ST6GAL2: variants seen among roughly 807,000 people sequenced by gnomAD.
ST6GAL2 encodes the protein ST6 beta-galactoside alpha-2,6-sialyltransferase 2.
Under a neutral mutation model 37.5 loss-of-function variants are expected in ST6GAL2, and 24 were observed. That is an observed-to-expected ratio of 0.64 (90% CI 0.46 to 0.90). ST6GAL2 has a LOEUF of 0.90. Among genes scored for constraint, ST6GAL2 ranks in the 40% least tolerant of loss-of-function variants. The probability of loss-of-function intolerance (pLI) is 0.00; values close to 1 mark genes in which losing one functional copy is unlikely to be tolerated. For synonymous variants in ST6GAL2, 306 were observed against 295.1 expected, an observed-to-expected ratio of 1.04 and a Z score of -0.38; for missense variants, 715 against 712.7, an observed-to-expected ratio of 1.00 and a Z score of -0.04.
intron 1 of ST6GAL2, among the ~76,000 whole-genome samples, chr2:106,848,920 A>C (rs1677249255): frequency 2.0e-5 from 3 of 152,190 alleles, no homozygotes; most frequent in Admixed American, 2.0e-4. Flanking sequence ...GCACCTCCTC[A>C]TGGAATAATA....
chr2:106,809,670 G>A (rs1010675278), intron 5 of ST6GAL2, among the ~76,000 whole-genome samples: 3 of 152,176 alleles, frequency 2.0e-5, no homozygotes, highest in Non-Finnish European at 4.4e-5. Flanking sequence ...GGTTCTATTG[G>A]TTTGTGCTGG....
rs764105330 is a variant in ST6GAL2, at chr2:106,843,336, G to C, written c.642C>G (p.Ser214=). The stretch of plus-strand genomic sequence containing the variant: ...TCTGCAGGCGCGGGTTCAGCATTTT[G>C]GAAGAGACGTTCCCCTTCCAGAGCC... The part of the protein sequence containing the change: ...LYRLWKGNVS[S]KMLNPRLQKA... Residue 214 remains serine (S), a synonymous_variant, in exon 2 of 6, where the codon TCC becomes TCG. Transcript: ENST00000409382. 9 of 1,614,060 alleles carry C rather than the reference G, an allele frequency of 5.6e-6. No individual in the cohort carries two copies. The highest frequency in any genetic ancestry group is 1.7e-4 in the Middle Eastern group (1 of 6,060).
At chr2:106,829,223 T>C (rs1156767224) in intron 5 of ST6GAL2, among the ~76,000 whole-genome samples, 1 of 152,168 alleles carries the variant, frequency 6.6e-6, no homozygotes, top group Non-Finnish European at 1.5e-5. Flanking sequence ...CTATGTTTTG[T>C]CCCCTGGAAT....
intron 5 of ST6GAL2, among the ~76,000 whole-genome samples, chr2:106,816,164 C>T (rs1365569058): frequency 4.6e-5 from 7 of 152,084 alleles, no homozygotes; most frequent in Admixed American, 3.9e-4. Flanking sequence ...CTGCAAAGTT[C>T]TAGGAGATTA....
At chr2:106,862,047 T>C (rs1677820912) in intron 1 of ST6GAL2, among the ~76,000 whole-genome samples, 1 of 152,226 alleles carries the variant, frequency 6.6e-6, no homozygotes, top group African/African-American at 2.4e-5. Flanking sequence ...AATGACAGTT[T>C]TGTATCACAA....
In ST6GAL2 at chr2:106,843,276, G is replaced by A. The variant is rs1166420396; in HGVS notation, c.702C>T (p.His234=). ...CCCGCTTCCCGCGGAAGCGCACCCC[G>A]TGCTTGTTGGCGGTCAGGTAATCCT... The part of the protein sequence containing the change: ...AMKDYLTANK[H]GVRFRGKREA... The change falls in exon 2 of 6, where the codon CAC becomes CAT. Residue 234 remains histidine (H), a synonymous_variant. Transcript: ENST00000409382. 3.1e-6 allele frequency: 5 copies of A among 1,609,132 alleles called. No homozygotes were observed. The highest frequency in any genetic ancestry group is 2.7e-5 in the African/African-American group (2 of 74,880).
chr2:106,819,795 T>C (rs77915640), intron 5 of ST6GAL2, among the ~76,000 whole-genome samples: 14,829 of 151,874 alleles, frequency 0.098, 1,008 homozygotes, highest in African/African-American at 0.15. Context: ...CTTTTCAAGA[T>C]ACAGACATTA....
intron 1 of ST6GAL2, among the ~76,000 whole-genome samples, chr2:106,851,450 G>C (rs942832888): frequency 3.9e-5 from 6 of 152,246 alleles, no homozygotes; most frequent in Admixed American, 3.3e-4. Context: ...TTTCCAAAAG[G>C]CACAATTTAT....
chr2:106,855,543 G>C (rs1388384887), intron 1 of ST6GAL2, among the ~76,000 whole-genome samples: 2 of 152,132 alleles, frequency 1.3e-5, no homozygotes. Flanking sequence ...AAAGGGGTTT[G>C]GATGAGTGAG....
chr2:106,807,353 A>C (rs1468714725), intron 5 of ST6GAL2, among the ~76,000 whole-genome samples: 2 of 152,162 alleles, frequency 1.3e-5, no homozygotes, highest in East Asian at 3.9e-4. Flanking sequence ...TATGTTCCAA[A>C]GAAACAAATG....
chr2:106,830,159 G>T lies in ST6GAL2; in HGVS notation c.1225C>A (p.Leu409Ile). 1 of 1,613,854 alleles carries T rather than the reference G, an allele frequency of 6.2e-7. No homozygotes were observed. The highest frequency in any genetic ancestry group is 8.5e-7 in the Non-Finnish European group (1 of 1,179,870). ...QRNPNQPFYI[L>I]HPKFIWQLWD... ...AGCTGCCATATAAATTTAGGATGAAGAATGTAAAATGGCTGATTTGGGTTT... is the reference window on the plus strand; with the variant it reads ...AGCTGCCATATAAATTTAGGATGAATAATGTAAAATGGCTGATTTGGGTTT... Residue 409 changes from leucine (L) to isoleucine (I), a missense_variant, in exon 5 of 6, where the codon CTT (leucine) becomes ATT (isoleucine). By Grantham distance (5) the Leu-to-Ile change is conservative. Coordinates refer to ENST00000409382, the MANE Select transcript of ST6GAL2 (RefSeq NM_001142351.2).
chr2:106,856,673 G>T (rs755003090), intron 1 of ST6GAL2, among the ~76,000 whole-genome samples: 163 of 152,168 alleles, frequency 1.1e-3, no homozygotes, highest in Non-Finnish European at 1.4e-3. Flanking sequence ...TGACAGCAAG[G>T]TATTAATTAC....
At position 106,826,978 on chromosome 2, in the gene ST6GAL2, G is replaced by A. The variant is rs889347933; in HGVS notation, c.1318+3088C>T. Among the ~76,000 whole-genome samples the A allele has an allele frequency of 9.2e-5, 14 of 152,134 alleles. 1 individual carries two copies. Among genetic ancestry groups the A allele is most frequent in the Non-Finnish European group, 1.3e-4 (9 of 68,024 alleles). On this transcript the variant is annotated intron_variant, in intron 5 of 5. Transcript: ENST00000409382. ...AGGGTGATCTTTTGCGATGGTGACC[G>A]TCCTGCTGACCGGTGTACCCAGAGC...
chr2:106,843,385 G>GAGGA lies in ST6GAL2; in HGVS notation c.589_592dup (p.Ser198PhefsTer122). On this transcript the variant is annotated frameshift_variant, in exon 2 of 6. Coordinates refer to ENST00000409382, the MANE Select transcript of ST6GAL2 (RefSeq NM_001142351.2). LOFTEE classifies it high-confidence loss of function. ...CCGGTACAGGAAGGCCCTGGACATG[G>GAGGA]AGGAGTACAGCCTGTCGCCGTCGTC... is the stretch of plus-strand genomic sequence containing the variant. 1.2e-6 allele frequency: 2 copies of GAGGA among 1,613,378 alleles called. No individual in the cohort carries two copies. The highest frequency in any genetic ancestry group is 1.7e-6 in the Non-Finnish European group (2 of 1,179,756).
chr2:106,852,081 C>A (rs943670710), intron 1 of ST6GAL2, among the ~76,000 whole-genome samples: 1 of 152,182 alleles, frequency 6.6e-6, no homozygotes, highest in Non-Finnish European at 1.5e-5. Flanking sequence ...GAGAAAGTCT[C>A]CAGACTGCTA....
At chr2:106,845,280 A>G (rs1022523426) in intron 1 of ST6GAL2, among the ~76,000 whole-genome samples, 3 of 152,124 alleles carry the variant, frequency 2.0e-5, no homozygotes, top group African/African-American at 7.2e-5. Context: ...GCCTACCTGG[A>G]TGTCTGGGGC....
At chr2:106,869,913 C>G (rs1361233870) in intron 1 of ST6GAL2, among the ~76,000 whole-genome samples, 6 of 152,324 alleles carry the variant, frequency 3.9e-5, no homozygotes, top group African/African-American at 1.4e-4. Context: ...GACCTTTGAG[C>G]CAGGGAGACA....
At chr2:106,867,239 G>C (rs1340400489) in intron 1 of ST6GAL2, among the ~76,000 whole-genome samples, 1 of 152,132 alleles carries the variant, frequency 6.6e-6, no homozygotes, top group Non-Finnish European at 1.5e-5. Context: ...GTCAGTATCT[G>C]AATCCAAACT....
chr2:106,852,158 A>G (rs1342710483), intron 1 of ST6GAL2, among the ~76,000 whole-genome samples: 1 of 152,234 alleles, frequency 6.6e-6, no homozygotes. Flanking sequence ...TTCTTAAGCT[A>G]ATGTCCAGAA....
Sources: gnomAD v4.1 joint callset for allele counts (sites outside exome capture counted in the v4.1 genomes callset) on GRCh38, gnomAD v4.1.1 for gene constraint, MANE v1.5 for transcripts, NCBI Gene and HGNC (gene_info 2026-07-23, HGNC 2026-07-21) for gene names.